Variants in EFCAB11 observed in about 807,000 individuals in gnomAD.
EFCAB11 encodes EF-hand calcium-binding domain-containing protein 11.
Under a neutral mutation model 23.0 loss-of-function variants are expected in EFCAB11, and 14 were observed. The observed-to-expected ratio is 0.61, with a 90% CI of 0.40 to 0.95. The LOEUF (loss-of-function observed/expected upper bound fraction) is 0.95, where lower values mean the gene tolerates loss of function less well. Ranked by LOEUF, EFCAB11 falls within the 40% of genes least tolerant of loss-of-function variation. EFCAB11 has a pLI of 0.00. For synonymous variants in EFCAB11, 65 were observed against 66.6 expected (o/e 0.98, Z 0.11); for missense variants, 198 against 195.8 (o/e 1.01, Z -0.07).
chr14:89,944,656 G>C (rs966441478), intron 3 of EFCAB11, among the ~76,000 whole-genome samples: 2 of 152,088 alleles, frequency 1.3e-5, no homozygotes, highest in African/African-American at 4.8e-5. Context: ...TTATCAAGAA[G>C]TTGTAACTAA....
At chr14:89,807,903 A>G (rs1245445315) in intron 5 of EFCAB11, among the ~76,000 whole-genome samples, 1 of 152,230 alleles carries the variant, frequency 6.6e-6, no homozygotes, top group Non-Finnish European at 1.5e-5. Context: ...GAGTATGATT[A>G]TTACTCAGGA....
At chr14:89,893,118 T>C (rs28391168) in intron 5 of EFCAB11, among the ~76,000 whole-genome samples, 3,943 of 152,202 alleles carry the variant, frequency 0.026, 195 homozygotes, top group African/African-American at 0.089. Flanking sequence ...CCACTCCCTT[T>C]TTCTTGGCTG....
intron 5 of EFCAB11, among the ~76,000 whole-genome samples, chr14:89,869,776 A>C (rs1217784138): frequency 2.6e-5 from 4 of 152,230 alleles, no homozygotes; most frequent in Non-Finnish European, 5.9e-5. Context: ...ATTATTTATG[A>C]CAACAACATC....
chr14:89,841,963 A>G (rs1887282717), intron 5 of EFCAB11, among the ~76,000 whole-genome samples: 2 of 152,118 alleles, frequency 1.3e-5, no homozygotes, highest in African/African-American at 2.4e-5. Context: ...GGTACCCTAC[A>G]GGAACTCAAG....
chr14:89,906,205 A>AAATC (rs1889493604), intron 5 of EFCAB11, among the ~76,000 whole-genome samples: 1 of 151,140 alleles, frequency 6.6e-6, no homozygotes, highest in African/African-American at 2.4e-5. Flanking sequence ...ATAAATAAAT[A>AAATC]AATAAATAAA....
Position 89,855,545 on chromosome 14 carries a change from G to A in EFCAB11, c.411-58221C>T, listed in dbSNP as rs55873981. Among the ~76,000 whole-genome samples, 1,243 of 152,210 alleles carry A rather than the reference G, an allele frequency of 8.2e-3. 20 individuals are homozygous for A. The highest frequency in any genetic ancestry group is 0.028 in the African/African-American group (1,167 of 41,508). ...AACATGATGATATGGGATACATACC[G>A]ATAGGAAAATGGTTACTATAGCAAA... On this transcript the variant is annotated intron_variant, in intron 5 of 5. Transcript: ENST00000316738.
intron 5 of EFCAB11, among the ~76,000 whole-genome samples, chr14:89,921,072 A>AAAAAAAGAAAG (rs796207560): frequency 6.8e-6 from 1 of 147,520 alleles, no homozygotes; most frequent in African/African-American, 2.7e-5. Context: ...CTAAAAAAAA[A>AAAAAAAGAAAG]AAAAGAAAAG....
At chr14:89,899,885 C>T (rs988115864) in intron 5 of EFCAB11, among the ~76,000 whole-genome samples, 1 of 152,076 alleles carries the variant, frequency 6.6e-6, no homozygotes, top group African/African-American at 2.4e-5. Flanking sequence ...TGAACTGGCC[C>T]AACCACTTGG....
intron 3 of EFCAB11, among the ~76,000 whole-genome samples, chr14:89,937,315 G>A (rs187782794): frequency 5.6e-4 from 86 of 152,226 alleles, no homozygotes; most frequent in African/African-American, 1.7e-3. Context: ...TGAAGTGGGT[G>A]GGCTTCCCAT....
intron 5 of EFCAB11, among the ~76,000 whole-genome samples, chr14:89,919,742 T>C (rs1045165405): frequency 1.3e-5 from 2 of 152,082 alleles, no homozygotes; most frequent in Non-Finnish European, 2.9e-5. Context: ...AAAGGAGCCA[T>C]CATCAGTAGC....
chr14:89,825,059 G>A (rs970935615), intron 5 of EFCAB11, among the ~76,000 whole-genome samples: 17 of 139,210 alleles, frequency 1.2e-4, no homozygotes, highest in East Asian at 6.4e-4. Context: ...TATTCATTCC[G>A]TTCAAGTGCT....
chr14:89,907,327 T>C (rs1482075919), intron 5 of EFCAB11, among the ~76,000 whole-genome samples: 1 of 152,238 alleles, frequency 6.6e-6, no homozygotes, highest in Non-Finnish European at 1.5e-5. Flanking sequence ...CCTATTATGA[T>C]GATGTTTAAA....
intron 5 of EFCAB11, among the ~76,000 whole-genome samples, chr14:89,841,115 C>T (rs1388290704): frequency 6.6e-6 from 1 of 152,188 alleles, no homozygotes; most frequent in Non-Finnish European, 1.5e-5. Flanking sequence ...AACCTTTCCA[C>T]TGAGTACCAT....
intron 5 of EFCAB11, among the ~76,000 whole-genome samples, chr14:89,851,669 A>G (rs73318882): frequency 6.6e-6 from 1 of 152,364 alleles, no homozygotes; most frequent in East Asian, 1.9e-4. Context: ...AACAATAAAC[A>G]AAACAACCAT....
chr14:89,893,897 TTCA>T (rs1401479064), intron 5 of EFCAB11, among the ~76,000 whole-genome samples: 6 of 152,244 alleles, frequency 3.9e-5, no homozygotes, highest in South Asian at 2.1e-4. Context: ...AGACATGTTA[TTCA>T]TCATATTAAT....
chr14:89,821,198 C>A lies in EFCAB11; in HGVS notation c.411-23874G>T, dbSNP rs372263169. On this transcript the variant is annotated intron_variant, in intron 5 of 5. Coordinates refer to ENST00000316738, the MANE Select transcript of EFCAB11 (RefSeq NM_145231.4). ...TTCAATCAGTAGACTTTGAGTAAAGCAGATTGCGCTCCATAATGTAAGTGG... is the reference window on the plus strand; with the variant it reads ...TTCAATCAGTAGACTTTGAGTAAAGAAGATTGCGCTCCATAATGTAAGTGG... Among the ~76,000 whole-genome samples, 58 of 152,198 alleles carry A rather than the reference C, an allele frequency of 3.8e-4. No homozygotes were observed. In the South Asian group the frequency reaches 0.011, roughly 29 times the overall value.
chr14:89,904,423 C>T (rs1452836030), intron 5 of EFCAB11, among the ~76,000 whole-genome samples: 1 of 152,134 alleles, frequency 6.6e-6, no homozygotes, highest in Non-Finnish European at 1.5e-5. Flanking sequence ...GTGAATAGTG[C>T]CACAATAAAC....
At chr14:89,889,246 G>A (rs1282475208) in intron 5 of EFCAB11, among the ~76,000 whole-genome samples, 1 of 152,100 alleles carries the variant, frequency 6.6e-6, no homozygotes, top group African/African-American at 2.4e-5. Context: ...TCTTATTCAT[G>A]AGGTGAGACA....
At chr14:89,889,071 C>G (rs1049676472) in intron 5 of EFCAB11, among the ~76,000 whole-genome samples, 3 of 152,066 alleles carry the variant, frequency 2.0e-5, no homozygotes, top group African/African-American at 7.2e-5. Context: ...AGAGAAAAGC[C>G]TATGAGATCA....
Sources: allele counts gnomAD v4.1 joint callset (sites outside exome capture counted in the v4.1 genomes callset), GRCh38; gene constraint gnomAD v4.1.1; transcripts MANE v1.5; gene names NCBI Gene and HGNC (gene_info 2026-07-23, HGNC 2026-07-21).